MRPL3: variants seen among roughly 807,000 people sequenced by gnomAD.
MRPL3 encodes the protein mitochondrial ribosomal protein L3.
In MRPL3, 43 loss-of-function variants were observed where a neutral mutation model predicts 44.3. The observed-to-expected ratio is 0.97, with a 90% CI of 0.76 to 1.25. MRPL3 has a LOEUF of 1.25. MRPL3 is among the 50% of genes most tolerant of loss of function. The pLI is 0.00. For missense variants in MRPL3, 406 were observed against 427.6 expected, an observed-to-expected ratio of 0.95 and a Z score of 0.45; for synonymous variants, 171 against 152.3, an observed-to-expected ratio of 1.12 and a Z score of -0.91.
intron 4 of MRPL3, among the ~76,000 whole-genome samples, chr3:131,492,108 C>T (rs1934269567): frequency 2.0e-5 from 3 of 152,074 alleles, no homozygotes; most frequent in Admixed American, 2.0e-4. Flanking sequence ...TGACTGGCTC[C>T]CTTACTTATT....
chr3:131,494,959 T>C (rs889425310), intron 4 of MRPL3, among the ~76,000 whole-genome samples: 1 of 152,144 alleles, frequency 6.6e-6, no homozygotes, highest in African/African-American at 2.4e-5. Flanking sequence ...AAAATGCCTC[T>C]CCTCCTAAGA....
At chr3:131,500,840 A>G (rs964354460) in intron 2 of MRPL3, among the ~76,000 whole-genome samples, 1 of 152,228 alleles carries the variant, frequency 6.6e-6, no homozygotes, top group Admixed American at 6.5e-5. Context: ...CTTTCCTAGT[A>G]TCAATTCTTA....
intron 1 of MRPL3, chr3:131,501,956 A>G: frequency 6.6e-7 from 1 of 1,509,812 alleles, no homozygotes; most frequent in African/African-American, 1.4e-5. Context: ...CTCCTCGCAG[A>G]TAAACATATT....
intron 6 of MRPL3, among the ~76,000 whole-genome samples, chr3:131,481,163 C>G (rs893621829): frequency 4.6e-5 from 7 of 152,178 alleles, no homozygotes; most frequent in Admixed American, 4.6e-4. Flanking sequence ...AGTATGTGAT[C>G]TTAAAATTAC....
chr3:131,486,959 AC>A (rs1416284027), intron 6 of MRPL3, among the ~76,000 whole-genome samples: 1 of 152,214 alleles, frequency 6.6e-6, no homozygotes, highest in Non-Finnish European at 1.5e-5. Flanking sequence ...CTGGGTATAT[AC>A]CCAAAGGATT....
intron 6 of MRPL3, among the ~76,000 whole-genome samples, chr3:131,482,090 A>G (rs1416161440): frequency 6.6e-6 from 1 of 152,226 alleles, no homozygotes; most frequent in African/African-American, 2.4e-5. Flanking sequence ...CAGTTTAAAC[A>G]TCTTTGACTT....
At chr3:131,486,572 G>A (rs949575723) in intron 6 of MRPL3, among the ~76,000 whole-genome samples, 2 of 151,518 alleles carry the variant, frequency 1.3e-5, no homozygotes, top group African/African-American at 2.4e-5. Context: ...ATCTGACACA[G>A]GGCTAATATC....
chr3:131,486,747 C>T (rs909872908), intron 6 of MRPL3, among the ~76,000 whole-genome samples: 3 of 152,114 alleles, frequency 2.0e-5, no homozygotes, highest in African/African-American at 7.2e-5. Flanking sequence ...CAAATCAAAA[C>T]CACAATGAGA....
rs771927256 is a variant in MRPL3 at position 131,501,732 on chromosome 3, T to C, written c.93-17A>G. 3 of 1,593,876 alleles carry C rather than the reference T, an allele frequency of 1.9e-6. No individual in the cohort carries two copies. Among genetic ancestry groups the C allele is most frequent in the Admixed American group, 3.6e-5 (2 of 55,160 alleles). On this transcript the variant is annotated splice_polypyrimidine_tract_variant and intron_variant, in intron 1 of 9. Coordinates refer to ENST00000264995, the MANE Select transcript of MRPL3 (RefSeq NM_007208.4). ...ATGTGTGTTCTATAAAAAGAAAAAA[T>C]AAATAAAACCAAACCACAATTTAAA...
intron 5 of MRPL3, among the ~76,000 whole-genome samples, 164 bp from the exon 6 acceptor site, chr3:131,487,904 A>G (rs565658660): frequency 6.6e-6 from 1 of 152,350 alleles, no homozygotes; most frequent in South Asian, 2.1e-4. Context: ...TTCAACAAAT[A>G]TGTCTTTTGA....
At chr3:131,501,504 A>T in intron 2 of MRPL3, 27 bp downstream of exon 2, 1 of 1,568,714 alleles carries the variant, frequency 6.4e-7, no homozygotes. Flanking sequence ...TTAGGAAATG[A>T]GAGCTCATCA....
intron 4 of MRPL3, among the ~76,000 whole-genome samples, chr3:131,491,444 C>T (rs1000948568): frequency 2.6e-5 from 4 of 152,170 alleles, no homozygotes; most frequent in African/African-American, 9.7e-5. Flanking sequence ...TTGAACTATA[C>T]ATTCACATGT....
chr3:131,498,362 A>G, intron 3 of MRPL3, 85 bp from the exon 4 acceptor site: 1 of 773,206 alleles, frequency 1.3e-6, no homozygotes, highest in African/African-American at 1.8e-5. Flanking sequence ...CCTTAGGACA[A>G]ATAGGAATTC....
At position 131,501,390 on chromosome 3, in the gene MRPL3, A is replaced by C. The variant is rs558394910; in HGVS notation, c.277+141T>G. On this transcript the variant is annotated intron_variant, in intron 2 of 9. Transcript: ENST00000264995. The stretch of plus-strand genomic sequence containing the variant: ...TAGGAAGTTGGAAATAAACATGCAA[A>C]ACAAACCACAATAAAACACACGCAG... The C allele has an allele frequency of 6.4e-6, 5 of 785,994 alleles. No homozygotes were observed. In the African/African-American group the frequency reaches 8.8e-5, roughly 14 times the overall value. 48.7% of individuals were successfully genotyped at this position (785,994 alleles called of 1,614,324 possible).
intron 5 of MRPL3, among the ~76,000 whole-genome samples, chr3:131,489,540 C>A (rs1934201787): frequency 6.6e-6 from 1 of 152,030 alleles, no homozygotes; most frequent in Non-Finnish European, 1.5e-5. Context: ...CTTTGACAGT[C>A]CACGGATTAG....
At chr3:131,498,870 G>C (rs768561485) in intron 3 of MRPL3, among the ~76,000 whole-genome samples, 2 of 152,186 alleles carry the variant, frequency 1.3e-5, no homozygotes, top group East Asian at 3.9e-4. Flanking sequence ...CCCAAGAGCA[G>C]GAGTTCTCAA....
intron 9 of MRPL3, among the ~76,000 whole-genome samples, chr3:131,464,048 TA>T (rs1246377096): frequency 1.3e-5 from 2 of 152,100 alleles, no homozygotes; most frequent in Non-Finnish European, 2.9e-5. Context: ...CAGAAGAAAG[TA>T]AACTTGTTTA....
intron 6 of MRPL3, among the ~76,000 whole-genome samples, chr3:131,484,069 T>C (rs1410424164): frequency 6.6e-6 from 1 of 152,194 alleles, no homozygotes; most frequent in East Asian, 1.9e-4. Flanking sequence ...CTCACTTTTA[T>C]TGGCAATGTT....
chr3:131,480,722 G>A (rs1353218963), intron 6 of MRPL3, among the ~76,000 whole-genome samples: 1 of 152,124 alleles, frequency 6.6e-6, no homozygotes, highest in Non-Finnish European at 1.5e-5. Context: ...ATCATGAAAG[G>A]ACACAAATTT....
Sources: allele counts gnomAD v4.1 joint callset (sites outside exome capture counted in the v4.1 genomes callset), GRCh38; gene constraint gnomAD v4.1.1; transcripts MANE v1.5; gene names NCBI Gene and HGNC (gene_info 2026-07-23, HGNC 2026-07-21).